The following SOX6 variants were observed in gnomAD, a reference collection of about 807,000 sequenced individuals.
SOX6 encodes the protein transcription factor SOX-6.
Under a neutral mutation model 97.8 loss-of-function variants are expected in SOX6, and 11 were observed. That is an observed-to-expected ratio of 0.11 (90% CI 0.07 to 0.19). The LOEUF (loss-of-function observed/expected upper bound fraction) is 0.19. Ranked by LOEUF, SOX6 falls within the 10% of genes least tolerant of loss-of-function variation. The probability of loss-of-function intolerance (pLI) is 1.00; values close to 1 mark genes in which losing one functional copy is unlikely to be tolerated. For missense variants in SOX6, 810 were observed against 1,039.5 expected (o/e 0.78, Z 3.04); for synonymous variants, 360 against 371.4 (o/e 0.97, Z 0.35).
chr11:16,397,178 T>C (rs1858385596), intron 1 of SOX6, among the ~76,000 whole-genome samples: 1 of 151,496 alleles, frequency 6.6e-6, no homozygotes, highest in South Asian at 2.1e-4. Context: ...TTAGTAATCA[T>C]TTCTCCATGC....
chr11:16,085,771 A>C (rs1848563690), intron 9 of SOX6, among the ~76,000 whole-genome samples: 1 of 152,246 alleles, frequency 6.6e-6, no homozygotes, highest in Admixed American at 6.5e-5. Flanking sequence ...ATGAAAAATT[A>C]TAAGAGGCAA....
intron 1 of SOX6, among the ~76,000 whole-genome samples, chr11:16,470,984 T>C (rs768180740): frequency 3.3e-5 from 5 of 151,918 alleles, no homozygotes; most frequent in Non-Finnish European, 5.9e-5. Context: ...TTAGAGACCA[T>C]GAGTCAAGAT....
chr11:16,175,709 T>G (rs1851165144), intron 6 of SOX6, among the ~76,000 whole-genome samples: 1 of 151,928 alleles, frequency 6.6e-6, no homozygotes, highest in Admixed American at 6.6e-5. Context: ...GTGTTAAAAT[T>G]TATTCTGTTT....
intron 4 of SOX6, among the ~76,000 whole-genome samples, chr11:16,232,023 G>A (rs11023882): frequency 0.45 from 67,404 of 151,392 alleles, 15,311 homozygotes; most frequent in East Asian, 0.5. Context: ...GTTTCTTACA[G>A]ATAAATACAT....
chr11:16,170,801 G>A (rs1851018792), intron 6 of SOX6, among the ~76,000 whole-genome samples: 1 of 151,898 alleles, frequency 6.6e-6, no homozygotes, highest in East Asian at 1.9e-4. Flanking sequence ...CATTTCCAAA[G>A]AAAATATGGT....
At chr11:16,512,421 T>A (rs1860894265) in intron 4 of SOX6, among the ~76,000 whole-genome samples, 1 of 152,168 alleles carries the variant, frequency 6.6e-6, no homozygotes, top group African/African-American at 2.4e-5. Context: ...AAAAAGCAAC[T>A]ATGCTAAAAT....
chr11:15,979,444 T>A (rs985862362), intron 15 of SOX6, among the ~76,000 whole-genome samples: 1 of 152,084 alleles, frequency 6.6e-6, no homozygotes, highest in African/African-American at 2.4e-5. Context: ...TATAGAGTGA[T>A]CCTTTCAAAA....
At chr11:16,590,513 C>T (rs1472964518) in intron 4 of SOX6, among the ~76,000 whole-genome samples, 4 of 152,006 alleles carry the variant, frequency 2.6e-5, no homozygotes, top group Admixed American at 2.6e-4. Context: ...TGTTGAAGCC[C>T]AGTGCTACAT....
intron 1 of SOX6, among the ~76,000 whole-genome samples, chr11:16,348,899 A>G (rs2134353525): frequency 6.6e-6 from 1 of 152,268 alleles, no homozygotes; most frequent in South Asian, 2.1e-4. Context: ...GTGATTTAAT[A>G]TCTCTACACA....
rs137967858 is a variant in SOX6, at chr11:16,628,098, G to T, written n.430-15838C>A. 2.1e-4 allele frequency among the ~76,000 whole-genome samples: 32 copies of T among 152,232 alleles called. No individual in the cohort carries two copies. The East Asian group carries it at 5.2e-3, about 25-fold the overall frequency. Reference sequence around the variant, plus strand: ...TTGTCAATTTTGTCAAAGATCAGATGGTTGTAGGTATGTGGCTTTATTTCT... The same window carrying T: ...TTGTCAATTTTGTCAAAGATCAGATTGTTGTAGGTATGTGGCTTTATTTCT... On this transcript the variant is annotated intron_variant and non_coding_transcript_variant, in intron 3 of 5. Coordinates refer to the SOX6 transcript ENST00000524520.
chr11:16,556,023 G>T (rs1052253214), intron 4 of SOX6, among the ~76,000 whole-genome samples: 1 of 151,412 alleles, frequency 6.6e-6, no homozygotes, highest in Non-Finnish European at 1.5e-5. Context: ...AATTAAAAAT[G>T]AGGACTTACA....
Position 16,286,417 on chromosome 11 carries a change from C to T in SOX6, c.445+32029G>A, listed in dbSNP as rs116969199. 7.3e-3 allele frequency among the ~76,000 whole-genome samples: 1,116 copies of T among 152,228 alleles called. 5 individuals are homozygous for T. The highest frequency in any genetic ancestry group is 0.012 in the Non-Finnish European group (813 of 68,008). On this transcript the variant is annotated intron_variant, in intron 3 of 15. Transcript: ENST00000683767. ...CCTGGACATTCTATTTACTAAACTG[C>T]AGGCCAAATTGTCTTAAGATATTAC...
chr11:16,461,354 C>T (rs993939899), intron 1 of SOX6, among the ~76,000 whole-genome samples: 1 of 152,072 alleles, frequency 6.6e-6, no homozygotes, highest in Admixed American at 6.6e-5. Flanking sequence ...TAACTATTCA[C>T]TGAATTAATT....
At chr11:16,304,214 C>A (rs894833457) in intron 3 of SOX6, among the ~76,000 whole-genome samples, 1 of 152,098 alleles carries the variant, frequency 6.6e-6, no homozygotes, top group Non-Finnish European at 1.5e-5. Flanking sequence ...CTGTGCCTGG[C>A]CAAGTTTTGA....
At chr11:16,036,100 A>G (rs527266719) in intron 12 of SOX6, among the ~76,000 whole-genome samples, 31 of 125,774 alleles carry the variant, frequency 2.5e-4, no homozygotes, top group Middle Eastern at 5.2e-3. Context: ...TTTTTTTGAG[A>G]TGGAGTTTCG....
At chr11:16,340,969 A>T in intron 2 of SOX6, 43 bp downstream of exon 2, 1 of 1,611,994 alleles carries the variant, frequency 6.2e-7, no homozygotes, top group Admixed American at 1.7e-5. Context: ...AGGACATTCT[A>T]AGGAATGCAT....
intron 13 of SOX6, among the ~76,000 whole-genome samples, chr11:15,989,740 A>G (rs80165453): frequency 0.093 from 14,146 of 152,200 alleles, 1,364 homozygotes; most frequent in East Asian, 0.37. Context: ...GATTGAATGA[A>G]TTAATTCAAT....
At position 16,418,088 on chromosome 11, in the gene SOX6, T is replaced by C. The variant is rs1858959243; in HGVS notation, c.-5+58227A>G. 2.0e-5 allele frequency among the ~76,000 whole-genome samples: 3 copies of C among 152,210 alleles called. No individual in the cohort carries two copies. In the South Asian group the frequency reaches 6.2e-4, roughly 32 times the overall value. ...ATGAATGGTAAGAATCTTTCAGTTG[T>C]ATATTATAATCACAGACATTTAAAA... On this transcript the variant is annotated intron_variant, in intron 1 of 15. Transcript: ENST00000396356.
At chr11:16,280,871 C>A (rs947158261) in intron 3 of SOX6, among the ~76,000 whole-genome samples, 1 of 152,058 alleles carries the variant, frequency 6.6e-6, no homozygotes, top group Non-Finnish European at 1.5e-5. Context: ...CATACTATTT[C>A]AATAAATTCC....
Sources: allele counts gnomAD v4.1 joint callset (sites outside exome capture counted in the v4.1 genomes callset), GRCh38; gene constraint gnomAD v4.1.1; transcripts MANE v1.5; gene names NCBI Gene and HGNC (gene_info 2026-07-23, HGNC 2026-07-21).